Variants in BIRC6 observed in about 807,000 individuals in gnomAD.
The protein encoded by BIRC6 is dual E2 ubiquitin-conjugating enzyme/E3 ubiquitin-protein ligase BIRC6.
Under a neutral mutation model 503.3 loss-of-function variants are expected in BIRC6, and 98 were observed. That is an observed-to-expected ratio of 0.19 (90% CI 0.17 to 0.23). The LOEUF is 0.23. BIRC6 is among the 10% of genes least tolerant of loss of function. BIRC6 has a pLI of 1.00. For missense variants in BIRC6, 5,360 were observed against 5,806.0 expected (o/e 0.92, Z 2.50); for synonymous variants, 2,240 against 2,078.7 (o/e 1.08, Z -2.11).
Position 32,504,022 on chromosome 2 carries a change from GT to G in BIRC6, c.9499+787del, listed in dbSNP as rs1481636409. Among the ~76,000 whole-genome samples, 145 of 100,712 alleles carry G rather than the reference GT, an allele frequency of 1.4e-3. 1 individual carries two copies. The highest frequency in any genetic ancestry group is 4.2e-3 in the African/African-American group (99 of 23,814). 66.1% of individuals were successfully genotyped at this position (100,712 alleles called of 152,430 possible). On this transcript the variant is annotated intron_variant, in intron 49 of 73. Transcript: ENST00000421745. ...GTGTTTCACCACACTGGGGCGGGGG[GT>G]GGGGGGGTGTTTGTGTGTGTGTGTG...
At chr2:32,587,312 G>A (rs11124285) in intron 66 of BIRC6, among the ~76,000 whole-genome samples, 6,122 of 152,262 alleles carry the variant, frequency 0.04, 167 homozygotes, top group South Asian at 0.079. Flanking sequence ...ATTTGAACCC[G>A]GGAGGTGGAG....
chr2:32,361,303 T>C (rs1479053922), intron 1 of BIRC6, among the ~76,000 whole-genome samples: 1 of 152,210 alleles, frequency 6.6e-6, no homozygotes, highest in African/African-American at 2.4e-5. Flanking sequence ...ATATTAGTAC[T>C]TCCTTATATA....
chr2:32,363,010 G>C (rs1158037498), intron 1 of BIRC6, among the ~76,000 whole-genome samples: 3 of 152,254 alleles, frequency 2.0e-5, no homozygotes, highest in Non-Finnish European at 4.4e-5. Flanking sequence ...AAAAATGTTT[G>C]TCTTATCTAC....
At position 32,357,194 on chromosome 2, in the gene BIRC6, G is replaced by C; in HGVS notation, c.33G>C (p.Gly11=). Residue 11 remains glycine, a synonymous_variant, in exon 1 of 74, where the codon GGG becomes GGC. Transcript: ENST00000421745. This position sits in a 1 kb window ranked among gnomAD's most constrained non-coding sequence, Gnocchi z 4.9. The part of the protein sequence containing the change: MVTGGGAAPP[G]TVTEPLPSVI... ...CTGGTGGTGGTGCTGCACCTCCCGG[G>C]ACTGTCACTGAGCCGCTTCCCAGTG... 7.8e-6 allele frequency: 12 copies of C among 1,539,298 alleles called. No individual in the cohort carries two copies. The highest frequency in any genetic ancestry group is 1.0e-5 in the Non-Finnish European group (12 of 1,149,710).
chr2:32,369,948 ATATAT>A (rs2035621637), intron 1 of BIRC6, among the ~76,000 whole-genome samples: 41 of 23,808 alleles, frequency 1.7e-3, no homozygotes, highest in African/African-American at 5.5e-3. Context: ...AAAAAAAAAT[ATATAT>A]ATATATATAT....
Position 32,482,510 on chromosome 2 carries a change from A to G in BIRC6, c.7624A>G (p.Ile2542Val). The change falls in exon 39 of 74, where the codon ATT (isoleucine) becomes GTT (valine). Residue 2542 changes from isoleucine (I) to valine (V), a missense_variant. This residue lies in a region of BIRC6 where 2,299 missense variants were observed against 2,267.2 expected (regional missense o/e 1.01). Coordinates refer to ENST00000421745, the MANE Select transcript of BIRC6 (RefSeq NM_016252.4). ...CAACCCTTACATTGGAGGTCTGGGA[A>G]TTCCTGTAGCAAAGCCACCAGCAAA... ...NYNPYIGGLGIPVAKPPANTE... is the reference protein window; with the variant it reads ...NYNPYIGGLGVPVAKPPANTE... The G allele has an allele frequency of 3.1e-6, 5 of 1,613,950 alleles. No homozygotes were observed. Among genetic ancestry groups the G allele is most frequent in the Admixed American group, 3.3e-5 (2 of 60,026 alleles).
At chr2:32,578,024 A>T (rs2060379559) in intron 66 of BIRC6, among the ~76,000 whole-genome samples, 1 of 152,188 alleles carries the variant, frequency 6.6e-6, no homozygotes, top group African/African-American at 2.4e-5. Flanking sequence ...TTTTACTGAT[A>T]AACATTATTA....
At position 32,595,081 on chromosome 2, in the gene BIRC6, C is replaced by T; in HGVS notation, c.13549C>T (p.Pro4517Ser). Residue 4517 changes from proline (P) to serine (S), a missense_variant, in exon 68 of 74, where the codon CCT becomes TCT. Physicochemically the swap from Pro to Ser is moderately conservative, Grantham distance 74 (BLOSUM62 -1). Coordinates refer to ENST00000421745, the MANE Select transcript of BIRC6 (RefSeq NM_016252.4). ...CAAGAAGGCGGCTATGAAACCCAAA[C>T]CTTTGTCAGTATTAAAGTCACTTGA... ...YSKKAAMKPK[P>S]LSVLKSLEEK... is the part of the protein sequence containing the mutation. 3 of 1,602,184 alleles carry T rather than the reference C, an allele frequency of 1.9e-6. No individual in the cohort carries two copies. Among genetic ancestry groups the T allele is most frequent in the Non-Finnish European group, 2.5e-6 (3 of 1,176,894 alleles).
intron 69 of BIRC6, among the ~76,000 whole-genome samples, chr2:32,598,868 C>T (rs1290104789): frequency 2.0e-5 from 3 of 151,410 alleles, no homozygotes; most frequent in African/African-American, 7.3e-5. Context: ...ACTAAAAATA[C>T]AAAAATTGGC....
intron 1 of BIRC6, among the ~76,000 whole-genome samples, chr2:32,362,345 T>TCA: frequency 6.6e-6 from 1 of 150,700 alleles, no homozygotes; most frequent in East Asian, 1.9e-4. Context: ...AGACAGAGTC[T>TCA]CGCTCTGTCG....
At chr2:32,432,347 G>A (rs976858264) in intron 12 of BIRC6, among the ~76,000 whole-genome samples, 9 of 152,068 alleles carry the variant, frequency 5.9e-5, no homozygotes, top group African/African-American at 1.7e-4. Context: ...CCTGGGAGGC[G>A]GAGGCTGCAG....
chr2:32,367,569 C>T (rs1438570149), intron 1 of BIRC6, among the ~76,000 whole-genome samples: 1 of 152,092 alleles, frequency 6.6e-6, no homozygotes, highest in East Asian at 1.9e-4. Flanking sequence ...CGCGTGTAAT[C>T]CCAGCACTTG....
intron 22 of BIRC6, among the ~76,000 whole-genome samples, chr2:32,452,143 A>G (rs2046795308): frequency 6.6e-6 from 1 of 152,154 alleles, no homozygotes; most frequent in Non-Finnish European, 1.5e-5. Flanking sequence ...TTCCAACTAC[A>G]TATTTGTGTT....
intron 5 of BIRC6, among the ~76,000 whole-genome samples, chr2:32,393,459 T>C (rs961550216): frequency 6.6e-6 from 1 of 152,246 alleles, no homozygotes; most frequent in Non-Finnish European, 1.5e-5. Context: ...TAAAAGAATC[T>C]AAGAAATCTA....
Position 32,447,042 on chromosome 2 carries a change from CAT to C in BIRC6, c.4484+1375_4484+1376del, listed in dbSNP as rs2046055770. ...CATTTAACCCTGAGTGGACACAGCA[CAT>C]GTTTCAGAGAGCACAGGGTTGGGGA... On this transcript the variant is annotated intron_variant, in intron 21 of 73. Transcript: ENST00000421745. Among the ~76,000 whole-genome samples the C allele has an allele frequency of 2.2e-5, 3 of 134,050 alleles. No homozygotes were observed. In the South Asian group the frequency reaches 8.1e-4, roughly 36 times the overall value. The allele number at this position is 134,050 out of a possible 152,430, so 87.9% of individuals were successfully genotyped here.
chr2:32,361,690 T>C (rs1276848016), intron 1 of BIRC6, among the ~76,000 whole-genome samples: 1 of 152,028 alleles, frequency 6.6e-6, no homozygotes, highest in Non-Finnish European at 1.5e-5. Flanking sequence ...CCCTTCCTTT[T>C]CCCCCCAACT....
At chr2:32,530,030 TATGAGC>T (rs1199644987) in intron 60 of BIRC6, among the ~76,000 whole-genome samples, 1 of 152,198 alleles carries the variant, frequency 6.6e-6, no homozygotes, top group Non-Finnish European at 1.5e-5. Flanking sequence ...TCATTTGTTT[TATGAGC>T]GCATGTACTT....
chr2:32,502,908 A>G lies in BIRC6; in HGVS notation c.9304+17A>G, dbSNP rs756156918. On this transcript the variant is annotated intron_variant, in intron 48 of 73. Coordinates refer to ENST00000421745, the MANE Select transcript of BIRC6 (RefSeq NM_016252.4). Reference sequence around the variant, plus strand: ...ATGATATGGGTAAGATAATATTTCAATAACTATCATTTAAGTGTAGTTATG... The same window carrying G: ...ATGATATGGGTAAGATAATATTTCAGTAACTATCATTTAAGTGTAGTTATG... 1.9e-5 allele frequency: 30 copies of G among 1,577,626 alleles called. No homozygotes were observed. Among genetic ancestry groups the G allele is most frequent in the Middle Eastern group, 1.7e-4 (1 of 5,740 alleles).
At position 32,589,628 on chromosome 2, in the gene BIRC6, C is replaced by A. The variant is rs1439961943; in HGVS notation, c.13356-4287C>A. 2.6e-5 allele frequency among the ~76,000 whole-genome samples: 4 copies of A among 152,296 alleles called. No homozygotes were observed. The East Asian group carries it at 5.8e-4, about 22-fold the overall frequency. On this transcript the variant is annotated intron_variant, in intron 66 of 73. Transcript: ENST00000421745. ...ATACCCATATATTTCTTTAAACATT[C>A]CTGTTTTTGATGGTGGTAAACAAGT...
Sources: allele counts gnomAD v4.1 joint callset (sites outside exome capture counted in the v4.1 genomes callset), GRCh38; gene constraint gnomAD v4.1.1; regional missense constraint gnomAD v4.1.1; non-coding constraint Gnocchi (gnomAD v3.1); transcripts MANE v1.5; gene names NCBI Gene and HGNC (gene_info 2026-07-23, HGNC 2026-07-21).